The following PLA2G4E variants were observed in gnomAD, a reference collection of about 807,000 sequenced individuals.
The protein encoded by PLA2G4E is phospholipase A2 group IVE.
In PLA2G4E, 84 loss-of-function variants were observed where a neutral mutation model predicts 109.1. The observed-to-expected ratio is 0.77, with a 90% CI of 0.65 to 0.92. The LOEUF is 0.92. PLA2G4E is among the 40% of genes least tolerant of loss of function. The pLI is 0.00. For synonymous variants in PLA2G4E, 469 were observed against 436.1 expected, an observed-to-expected ratio of 1.08 and a Z score of -0.94; for missense variants, 1,057 against 1,076.6, an observed-to-expected ratio of 0.98 and a Z score of 0.25.
intron 1 of PLA2G4E, among the ~76,000 whole-genome samples, chr15:42,034,519 C>A (rs2141072876): frequency 6.6e-6 from 1 of 152,302 alleles, no homozygotes. Flanking sequence ...TCTTATGGAG[C>A]TGTCATCAGG....
intron 9 of PLA2G4E, 24 bp downstream of exon 9, chr15:41,999,893 C>A: frequency 6.3e-7 from 1 of 1,587,074 alleles, no homozygotes; most frequent in Non-Finnish European, 8.6e-7. Flanking sequence ...AAGTCAGGGG[C>A]CCTTCCCAGA....
chr15:42,039,670 A>C (rs1889279922), intron 1 of PLA2G4E, among the ~76,000 whole-genome samples: 1 of 152,268 alleles, frequency 6.6e-6, no homozygotes, highest in African/African-American at 2.4e-5. Flanking sequence ...AATCATAGCC[A>C]CAGAAGAAAA....
Position 41,984,347 on chromosome 15 carries a change from C to T in PLA2G4E, c.2386+89G>A, listed in dbSNP as rs903455128. The T allele has an allele frequency of 6.4e-5, 89 of 1,380,628 alleles. 1 individual carries two copies. The African/African-American group carries it at 9.7e-4, about 15-fold the overall frequency. 85.5% of individuals were successfully genotyped at this position (1,380,628 alleles called of 1,614,324 possible). ...AGGCTGGAGCTGAGCCAGGCTTCCCCGTTAGTGCCCTTAGAGACTCTACAG... is the reference window on the plus strand; with the variant it reads ...AGGCTGGAGCTGAGCCAGGCTTCCCTGTTAGTGCCCTTAGAGACTCTACAG... On this transcript the variant is annotated intron_variant, in intron 19 of 19. Transcript: ENST00000399518.
At chr15:41,993,450 C>G (rs1240683025) in intron 12 of PLA2G4E, among the ~76,000 whole-genome samples, 1 of 152,188 alleles carries the variant, frequency 6.6e-6, no homozygotes, top group African/African-American at 2.4e-5. Flanking sequence ...ACATTTAAAC[C>G]CAGGCTCGAC....
rs747290420 is a variant in PLA2G4E at position 41,986,013 on chromosome 15, C to T, written c.2036-8G>A. ...AACCATCTAGCACTGTGTCTGAAAG[C>T]CAAGCCTTCCCGTTACCAACACACC... On this transcript the variant is annotated splice_region_variant and splice_polypyrimidine_tract_variant and intron_variant, in intron 17 of 19. Coordinates refer to ENST00000399518, the Ensembl canonical transcript of PLA2G4E. 1 of 1,583,126 alleles carries T rather than the reference C, an allele frequency of 6.3e-7. No individual in the cohort carries two copies. The highest frequency in any genetic ancestry group is 2.3e-5 in the East Asian group (1 of 43,420).
chr15:42,000,053 C>G, intron 8 of PLA2G4E, 51 bp downstream of exon 8: 1 of 1,573,440 alleles, frequency 6.4e-7, no homozygotes, highest in Non-Finnish European at 8.6e-7. Flanking sequence ...CTCTGGCACC[C>G]CCCACCTGTC....
rs756324948 is a variant in PLA2G4E, at chr15:41,988,046, C to G, written c.1831+3G>C. The G allele has an allele frequency of 1.3e-6, 2 of 1,592,490 alleles. No homozygotes were observed. Among genetic ancestry groups the G allele is most frequent in the Admixed American group, 3.5e-5 (2 of 57,788 alleles). On this transcript the variant is annotated splice_donor_region_variant and intron_variant, in intron 16 of 19. Transcript: ENST00000399518. ...GCCATGAGGGAAAGCCGGGGTCACC[C>G]ACCGATGTCCTGCACTTTCTCCCTT...
intron 13 of PLA2G4E, 116 bp from the exon 14 acceptor site, chr15:41,990,351 G>A (rs575718364): frequency 4.1e-5 from 37 of 899,220 alleles, no homozygotes; most frequent in South Asian, 1.1e-4. Flanking sequence ...TGAGCTCACC[G>A]GGCTGCTGTA....
intron 1 of PLA2G4E, among the ~76,000 whole-genome samples, 154 bp from the exon 2 acceptor site, chr15:42,013,911 T>A (rs1157864037): frequency 6.1e-5 from 5 of 82,156 alleles, no homozygotes; most frequent in East Asian, 4.4e-4. Flanking sequence ...TTTTTTTTTT[T>A]ACAGAGTTTC....
chr15:41,986,064 A>G (rs2068136484), intron 17 of PLA2G4E, 59 bp from the exon 18 acceptor site: 3 of 1,527,614 alleles, frequency 2.0e-6, no homozygotes, highest in Non-Finnish European at 1.8e-6. Context: ...CAATGGACAG[A>G]GGCACTTGGG....
intron 2 of PLA2G4E, among the ~76,000 whole-genome samples, chr15:42,013,377 G>C (rs1263074151): frequency 6.6e-6 from 1 of 152,250 alleles, no homozygotes; most frequent in Non-Finnish European, 1.5e-5. Context: ...GGAAGAGAGA[G>C]TGGGGAGGAG....
At chr15:42,005,724 T>G (rs143532874) in intron 4 of PLA2G4E, among the ~76,000 whole-genome samples, 3 of 152,376 alleles carry the variant, frequency 2.0e-5, no homozygotes, top group African/African-American at 7.2e-5. Flanking sequence ...TTGCCTGAAT[T>G]ATGGTTTCTC....
exon 9 of PLA2G4E, chr15:41,999,936 T>C: frequency 2.5e-6 from 4 of 1,610,722 alleles, no homozygotes; most frequent in Non-Finnish European, 1.7e-6. Flanking sequence ...GGTCATCACC[T>C]GACCATCGGA....
chr15:42,009,722 C>A (rs12439687), intron 2 of PLA2G4E: 60,690 of 164,342 alleles, frequency 0.37, 12,104 homozygotes, highest in South Asian at 0.55. Context: ...ACGCACTCAC[C>A]GTTTAGACTC....
At chr15:42,027,581 T>A (rs578076356) in intron 1 of PLA2G4E, among the ~76,000 whole-genome samples, 3 of 152,340 alleles carry the variant, frequency 2.0e-5, no homozygotes, top group African/African-American at 7.2e-5. Flanking sequence ...GCAAAAGTGA[T>A]CTCCTGAAAA....
chr15:41,992,614 G>A (rs1257543783), intron 13 of PLA2G4E, 123 bp downstream of exon 13: 1 of 920,118 alleles, frequency 1.1e-6, no homozygotes, highest in East Asian at 2.6e-5. Flanking sequence ...TCCAGCCCAA[G>A]GATACTCCCG....
chr15:42,040,865 A>G (rs2141076570), intron 1 of PLA2G4E, among the ~76,000 whole-genome samples: 1 of 152,344 alleles, frequency 6.6e-6, no homozygotes, highest in East Asian at 1.9e-4. Context: ...GAATTTTTAG[A>G]AGCTTCTCTG....
chr15:42,007,862 C>G, exon 3 of PLA2G4E: 3 of 1,601,224 alleles, frequency 1.9e-6, no homozygotes, highest in Non-Finnish European at 2.6e-6. Context: ...GTCTGTCTGG[C>G]TCACTGTCCA....
exon 18 of PLA2G4E, chr15:41,985,940 T>C: frequency 6.2e-7 from 1 of 1,606,754 alleles, no homozygotes; most frequent in Non-Finnish European, 8.5e-7. Flanking sequence ...AAGAACGCAG[T>C]GTCCAGCAGG....
Sources: gnomAD v4.1 joint callset for allele counts (sites outside exome capture counted in the v4.1 genomes callset) on GRCh38, gnomAD v4.1.1 for gene constraint, MANE v1.5 for transcripts, NCBI Gene and HGNC (gene_info 2026-07-23, HGNC 2026-07-21) for gene names.